AKAP7: variants seen among roughly 807,000 people sequenced by gnomAD.
AKAP7 encodes the protein A-kinase anchoring protein 7.
AKAP7 carries 39 observed loss-of-function variants against 39.5 expected under a neutral mutation model. The observed-to-expected ratio is 0.99, with a 90% CI of 0.76 to 1.29. AKAP7 has a LOEUF of 1.29. AKAP7 is among the 50% of genes most tolerant of loss of function. The pLI is 0.00. For synonymous variants in AKAP7, 140 were observed against 139.1 expected, an observed-to-expected ratio of 1.01 and a Z score of -0.05; for missense variants, 414 against 407.7, an observed-to-expected ratio of 1.02 and a Z score of -0.13.
At chr6:131,246,962 A>AC (rs369745746) in intron 7 of AKAP7, among the ~76,000 whole-genome samples, 53,747 of 151,738 alleles carry the variant, frequency 0.35, 9,966 homozygotes, top group African/African-American at 0.43. Context: ...CCTTATTGTC[A>AC]ATACTCTCCA....
rs1032088332 is a variant in AKAP7 at position 131,159,868 on chromosome 6, G to A, written c.152-191G>A. ...CAGCAGAGTTGAGTAGTTAACGGCAGAGACTATGTCATCTGCAATGCCTAA... is the reference window on the plus strand; with the variant it reads ...CAGCAGAGTTGAGTAGTTAACGGCAAAGACTATGTCATCTGCAATGCCTAA... On this transcript the variant is annotated intron_variant, in intron 2 of 7. Coordinates refer to ENST00000431975, the MANE Select transcript of AKAP7 (RefSeq NM_016377.4). Among the ~76,000 whole-genome samples, 10 of 152,336 alleles carry A rather than the reference G, an allele frequency of 6.6e-5. No homozygotes were observed. The East Asian group carries it at 1.5e-3, about 23-fold the overall frequency.
chr6:131,260,943 TC>T (rs1374650614), intron 7 of AKAP7, among the ~76,000 whole-genome samples: 1 of 152,158 alleles, frequency 6.6e-6, no homozygotes, highest in Non-Finnish European at 1.5e-5. Flanking sequence ...ATGACTGTAA[TC>T]CCAGCACTTT....
rs192612517 is a variant in AKAP7 at position 131,169,040 on chromosome 6, A to G, written c.429-73A>G. On this transcript the variant is annotated intron_variant, in intron 4 of 7. Transcript: ENST00000431975. ...CAAAATTCATCTTTCTAAAACTGGT[A>G]CTTTGTATCTTATTTGGTTTTGTAT... 1.1e-5 allele frequency: 14 copies of G among 1,289,044 alleles called. No homozygotes were observed. In the South Asian group the frequency reaches 1.2e-4, roughly 11 times the overall value. The allele number at this position is 1,289,044 out of a possible 1,614,324, so 79.9% of individuals were successfully genotyped here.
chr6:131,208,302 AG>A (rs1808321676), intron 6 of AKAP7, among the ~76,000 whole-genome samples: 1 of 152,264 alleles, frequency 6.6e-6, no homozygotes, highest in South Asian at 2.1e-4. Context: ...ATGTTTACAA[AG>A]GTAAACCTGC....
intron 6 of AKAP7, chr6:131,199,843 C>A (rs1378991499): frequency 5.0e-6 from 2 of 399,446 alleles, no homozygotes; most frequent in African/African-American, 4.3e-5. Flanking sequence ...CTGCTTCATC[C>A]CCTGAAGAGC....
chr6:131,159,345 G>A (rs1007115578), intron 2 of AKAP7, among the ~76,000 whole-genome samples: 25 of 151,208 alleles, frequency 1.7e-4, no homozygotes, highest in Admixed American at 7.2e-4. Context: ...CGCCCGCCTC[G>A]GCCTCCCAAA....
At chr6:131,223,189 A>T (rs889396144) in intron 7 of AKAP7, among the ~76,000 whole-genome samples, 7 of 152,200 alleles carry the variant, frequency 4.6e-5, no homozygotes, top group African/African-American at 1.7e-4. Flanking sequence ...GCATTATTGC[A>T]ATGTTTGCTT....
intron 7 of AKAP7, among the ~76,000 whole-genome samples, chr6:131,280,235 TGAG>T (rs911766736): frequency 6.6e-6 from 1 of 152,178 alleles, no homozygotes; most frequent in Admixed American, 6.5e-5. Flanking sequence ...TGCCCATATT[TGAG>T]GAGAAGGCAG....
chr6:131,253,077 CAGCAAGG>C, intron 7 of AKAP7: 1 of 1,613,648 alleles, frequency 6.2e-7, no homozygotes, highest in Non-Finnish European at 8.5e-7. Context: ...TACAGAGATA[CAGCAAGG>C]ATATACCCAG....
rs1436958118 is a variant in AKAP7 at position 131,161,782 on chromosome 6, G to A, written c.291+1584G>A. Reference sequence around the variant, plus strand: ...TTTTATTAAAATACTTGCAAGTTTGGTTTGAAATTTAGGATCACGTATACC... The same window carrying A: ...TTTTATTAAAATACTTGCAAGTTTGATTTGAAATTTAGGATCACGTATACC... On this transcript the variant is annotated intron_variant, in intron 3 of 7. Transcript: ENST00000431975. Among the ~76,000 whole-genome samples, 4 of 150,724 alleles carry A rather than the reference G, an allele frequency of 2.7e-5. No individual in the cohort carries two copies. In the East Asian group the frequency reaches 5.9e-4, roughly 22 times the overall value.
At chr6:131,207,868 A>G (rs1383517993) in intron 6 of AKAP7, among the ~76,000 whole-genome samples, 2 of 152,178 alleles carry the variant, frequency 1.3e-5, no homozygotes, top group Non-Finnish European at 2.9e-5. Context: ...TGCCCTGGTT[A>G]TTCAGTGAAC....
the AKAP7 span, among the ~76,000 whole-genome samples, chr6:131,127,011 T>C: frequency 2.0e-5 from 3 of 151,580 alleles, no homozygotes; most frequent in African/African-American, 7.3e-5. Context: ...GTGGGGAAAA[T>C]AGACCTGGAA....
chr6:131,142,620 C>T (rs568186854), intron 1 of AKAP7, among the ~76,000 whole-genome samples: 4 of 152,356 alleles, frequency 2.6e-5, no homozygotes, highest in Non-Finnish European at 5.9e-5. Flanking sequence ...AGAAACTCTC[C>T]TAGGGCAATG....
intron 7 of AKAP7, among the ~76,000 whole-genome samples, chr6:131,220,157 T>G (rs1295211824): frequency 6.6e-6 from 1 of 152,210 alleles, no homozygotes; most frequent in Non-Finnish European, 1.5e-5. Context: ...ACAACTGGCA[T>G]TTTGTATTTG....
rs201266032 is a variant in AKAP7 at position 131,141,903 on chromosome 6, T to C, written c.20-3382T>C. On this transcript the variant is annotated intron_variant, in intron 1 of 7. Coordinates refer to ENST00000431975, the MANE Select transcript of AKAP7 (RefSeq NM_016377.4). ...AAGAAATTTCTTTCTTTCTTTCTTTTTTTTTTTTTTTTTTTGCAACAGGGT... is the reference window on the plus strand; with the variant it reads ...AAGAAATTTCTTTCTTTCTTTCTTTCTTTTTTTTTTTTTTTGCAACAGGGT... Among the ~76,000 whole-genome samples, 114 of 144,132 alleles carry C rather than the reference T, an allele frequency of 7.9e-4. 1 individual carries two copies. In the East Asian group the frequency reaches 8.3e-3, roughly 11 times the overall value. The allele number at this position is 144,132 out of a possible 152,430, so 94.6% of individuals were successfully genotyped here. A position where few individuals can be genotyped will look rare whatever the true frequency, so the allele number is the denominator to read the frequency against.
Position 131,145,413 on chromosome 6 carries a change from G to A in AKAP7, c.148G>A (p.Gly50Arg). The A allele has an allele frequency of 1.3e-6, 2 of 1,506,032 alleles. No individual in the cohort carries two copies. The highest frequency in any genetic ancestry group is 1.8e-6 in the Non-Finnish European group (2 of 1,122,956). 93.3% of individuals were successfully genotyped at this position (1,506,032 alleles called of 1,614,324 possible). Residue 50 changes from glycine to arginine, a missense_variant, in exon 2 of 8, where the codon GGA becomes AGA. Gly to Arg is a moderately radical substitution (Grantham distance 125). Coordinates refer to ENST00000431975, the MANE Select transcript of AKAP7 (RefSeq NM_016377.4). ...FATVDIQDDC[G>R]ITDEPQINLK... is the part of the protein sequence containing the mutation. ...TACTGTAGATATTCAGGATGACTGTGGAAGTAAGTACTTTATTAAGTAAAC... is the reference window on the plus strand; with the variant it reads ...TACTGTAGATATTCAGGATGACTGTAGAAGTAAGTACTTTATTAAGTAAAC...
At chr6:131,197,216 CATTT>C (rs2128279087) in intron 5 of AKAP7, among the ~76,000 whole-genome samples, 1 of 152,064 alleles carries the variant, frequency 6.6e-6, no homozygotes, top group East Asian at 1.9e-4. Context: ...ATTTATCAAC[CATTT>C]ATTTATTGAT....
rs1269982838 is a variant in AKAP7 at position 131,281,404 on chromosome 6, G to A, written c.851-126G>A. On this transcript the variant is annotated intron_variant, in intron 7 of 7. Coordinates refer to ENST00000431975, the MANE Select transcript of AKAP7 (RefSeq NM_016377.4). This position sits in a 1 kb window ranked among gnomAD's most constrained non-coding sequence, Gnocchi z 4.0. Reference sequence around the variant, plus strand: ...ATACCAAATGAAAAGCCAACCCACTGTTCTTGAATTTATAGATCCAATTTA... The same window carrying A: ...ATACCAAATGAAAAGCCAACCCACTATTCTTGAATTTATAGATCCAATTTA... 2 of 715,020 alleles carry A rather than the reference G, an allele frequency of 2.8e-6. No homozygotes were observed. Among genetic ancestry groups the A allele is most frequent in the Non-Finnish European group, 4.3e-6 (2 of 466,710 alleles). 44.3% of individuals were successfully genotyped at this position (715,020 alleles called of 1,614,324 possible).
chr6:131,133,294 A>C (rs2128220413), upstream of AKAP7, among the ~76,000 whole-genome samples: 1 of 152,320 alleles, frequency 6.6e-6, no homozygotes, highest in Admixed American at 6.5e-5. Context: ...AGTATGTTAC[A>C]ATAATTACAG....
Sources: gnomAD v4.1 joint callset for allele counts (sites outside exome capture counted in the v4.1 genomes callset) on GRCh38, gnomAD v4.1.1 for gene constraint, Gnocchi (gnomAD v3.1) non-coding constraint, MANE v1.5 for transcripts, NCBI Gene and HGNC (gene_info 2026-07-23, HGNC 2026-07-21) for gene names.